PTPRD: variants seen among roughly 807,000 people sequenced by gnomAD.
PTPRD encodes receptor-type tyrosine-protein phosphatase delta.
Under a neutral mutation model 214.5 loss-of-function variants are expected in PTPRD, and 34 were observed. The ratio of observed to expected loss-of-function variants is 0.16; its 90% confidence interval spans 0.12 to 0.21. The LOEUF (loss-of-function observed/expected upper bound fraction) is 0.21. Among genes scored for constraint, PTPRD ranks in the 10% least tolerant of loss-of-function variants. The probability of loss-of-function intolerance (pLI) is 1.00; values close to 1 mark genes in which losing one functional copy is unlikely to be tolerated. For missense variants in PTPRD, 2,545 were observed against 2,398.7 expected (o/e 1.06, Z -1.27); for synonymous variants, 1,128 against 845.7 (o/e 1.33, Z -5.79).
At chr9:10,532,768 G>A (rs191575064) in intron 2 of PTPRD, among the ~76,000 whole-genome samples, 5 of 151,782 alleles carry the variant, frequency 3.3e-5, no homozygotes, top group South Asian at 4.1e-4. Flanking sequence ...TGCTTTGTGT[G>A]TAAGGACTCT....
At chr9:8,702,657 C>A (rs1481154345) in intron 12 of PTPRD, among the ~76,000 whole-genome samples, 1 of 152,126 alleles carries the variant, frequency 6.6e-6, no homozygotes, top group Non-Finnish European at 1.5e-5. Context: ...TATGTCGCCC[C>A]AGCTGGAGTG....
At chr9:8,499,222 C>G (rs2097342934) in intron 25 of PTPRD, among the ~76,000 whole-genome samples, 1 of 152,130 alleles carries the variant, frequency 6.6e-6, no homozygotes, top group African/African-American at 2.4e-5. Flanking sequence ...GTCTATTCTT[C>G]AGTGGAAGAA....
At chr9:9,175,793 T>G (rs558117680) in intron 10 of PTPRD, among the ~76,000 whole-genome samples, 2 of 152,232 alleles carry the variant, frequency 1.3e-5, no homozygotes, top group South Asian at 4.1e-4. Context: ...CAGCTCATGC[T>G]AGGTACCTCC....
At chr9:9,628,445 T>C (rs893281597) in intron 7 of PTPRD, among the ~76,000 whole-genome samples, 3 of 152,170 alleles carry the variant, frequency 2.0e-5, no homozygotes, top group Admixed American at 6.5e-5. Flanking sequence ...TCCATTCTGA[T>C]GATTTCTCAA....
intron 2 of PTPRD, among the ~76,000 whole-genome samples, chr9:10,361,531 A>T (rs956596150): frequency 6.6e-6 from 1 of 152,176 alleles, no homozygotes; most frequent in African/African-American, 2.4e-5. Flanking sequence ...CCTGACCACA[A>T]GTAGCATGTA....
intron 11 of PTPRD, chr9:8,858,077 G>A (rs2097982684): frequency 6.2e-6 from 1 of 162,430 alleles, no homozygotes; most frequent in African/African-American, 2.4e-5. Flanking sequence ...CGCCGCCGCC[G>A]CTGTTTGTCT....
intron 45 of PTPRD, among the ~76,000 whole-genome samples, chr9:8,318,650 G>C (rs947958378): frequency 6.6e-6 from 1 of 151,932 alleles, no homozygotes; most frequent in African/African-American, 2.4e-5. Context: ...AGGACTGGCT[G>C]CCCACATCAA....
At chr9:9,688,321 C>T (rs560373295) in intron 7 of PTPRD, among the ~76,000 whole-genome samples, 4 of 151,912 alleles carry the variant, frequency 2.6e-5, no homozygotes, top group Non-Finnish European at 5.9e-5. Context: ...CCATACAAAA[C>T]GTGAACTGAG....
At chr9:9,329,406 T>C (rs1008208280) in intron 9 of PTPRD, among the ~76,000 whole-genome samples, 1 of 152,182 alleles carries the variant, frequency 6.6e-6, no homozygotes, top group Non-Finnish European at 1.5e-5. Context: ...AGAACACAGA[T>C]TCCATGCCCT....
chr9:9,318,844 G>A (rs532333693), intron 9 of PTPRD, among the ~76,000 whole-genome samples: 17 of 152,270 alleles, frequency 1.1e-4, no homozygotes, highest in African/African-American at 3.4e-4. Context: ...CAAATGCAAT[G>A]ATAATCAAAG....
intron 5 of PTPRD, among the ~76,000 whole-genome samples, chr9:9,898,482 G>T (rs1566105868): frequency 6.6e-6 from 1 of 151,912 alleles, no homozygotes; most frequent in South Asian, 2.1e-4. Context: ...ATTTAACAGA[G>T]AAAGATACCG....
chr9:9,814,396 C>T (rs892784340), intron 5 of PTPRD, among the ~76,000 whole-genome samples: 2 of 150,588 alleles, frequency 1.3e-5, no homozygotes, highest in African/African-American at 4.9e-5. Context: ...AAACCCTCAA[C>T]CCCCCACTAT....
intron 12 of PTPRD, among the ~76,000 whole-genome samples, chr9:8,665,675 T>C (rs937935413): frequency 7.9e-5 from 12 of 152,224 alleles, no homozygotes; most frequent in African/African-American, 2.9e-4. Flanking sequence ...TGTCTTTTTC[T>C]CTATTATTTC....
chr9:9,119,335 T>C lies in PTPRD; in HGVS notation c.-143+63969A>G, dbSNP rs1445242556. On this transcript the variant is annotated intron_variant, in intron 10 of 45. Coordinates refer to ENST00000381196, the MANE Select transcript of PTPRD (RefSeq NM_002839.4). ...AAAAAAATGAGCCTTCCTTCCAATG[T>C]CTCAGAAATCTGATTTAGCAAAAAT... Among the ~76,000 whole-genome samples, 3 of 152,010 alleles carry C rather than the reference T, an allele frequency of 2.0e-5. No homozygotes were observed. In the East Asian group the frequency reaches 5.8e-4, roughly 29 times the overall value.
At chr9:10,096,754 T>A (rs2098491371) in intron 3 of PTPRD, among the ~76,000 whole-genome samples, 1 of 152,006 alleles carries the variant, frequency 6.6e-6, no homozygotes. Flanking sequence ...TTAGATCCCA[T>A]TTATCAATTT....
At chr9:8,693,070 T>C (rs1325493232) in intron 12 of PTPRD, among the ~76,000 whole-genome samples, 1 of 152,204 alleles carries the variant, frequency 6.6e-6, no homozygotes, top group Non-Finnish European at 1.5e-5. Context: ...ATGGTAACTC[T>C]ATGATTGTTA....
At chr9:9,332,924 G>A (rs2042887069) in intron 9 of PTPRD, among the ~76,000 whole-genome samples, 1 of 152,124 alleles carries the variant, frequency 6.6e-6, no homozygotes, top group East Asian at 1.9e-4. Flanking sequence ...CTCTTACGCT[G>A]TGTTATTCTC....
intron 8 of PTPRD, among the ~76,000 whole-genome samples, chr9:9,486,365 G>A (rs1197059755): frequency 6.6e-6 from 1 of 151,688 alleles, no homozygotes; most frequent in Non-Finnish European, 1.5e-5. Context: ...TATTCCCAAG[G>A]CAACAGTATT....
Position 9,313,199 on chromosome 9 carries a change from G to A in PTPRD, c.-203+84250C>T, listed in dbSNP as rs116113925. 4.1e-3 allele frequency among the ~76,000 whole-genome samples: 626 copies of A among 152,124 alleles called. 6 individuals are homozygous for A. Among genetic ancestry groups the A allele is most frequent in the African/African-American group, 0.014 (580 of 41,494 alleles). On this transcript the variant is annotated intron_variant, in intron 9 of 45. Transcript: ENST00000381196. The stretch of plus-strand genomic sequence containing the variant: ...CTGTGTGTCATAAGTTGCAGTTTCC[G>A]GTAAGTTACTGATGATGTTAAATGA...
Sources: allele counts gnomAD v4.1 joint callset (sites outside exome capture counted in the v4.1 genomes callset), GRCh38; gene constraint gnomAD v4.1.1; transcripts MANE v1.5; gene names NCBI Gene and HGNC (gene_info 2026-07-23, HGNC 2026-07-21).